Variants in KIF13A observed in about 807,000 individuals in gnomAD.
The protein encoded by KIF13A is kinesin family member 13A.
KIF13A carries 79 observed loss-of-function variants against 212.2 expected under a neutral mutation model. That is an observed-to-expected ratio of 0.37 (90% CI 0.31 to 0.45). The LOEUF (loss-of-function observed/expected upper bound fraction) is 0.45, where lower values mean the gene tolerates loss of function less well. Among genes scored for constraint, KIF13A ranks in the 20% least tolerant of loss-of-function variants. The pLI, the probability that KIF13A is intolerant of heterozygous loss-of-function variation, is 1.00. For missense variants in KIF13A, 1,901 were observed against 2,209.0 expected (o/e 0.86, Z 2.79); for synonymous variants, 789 against 808.6 (o/e 0.98, Z 0.41).
chr6:17,968,284 G>A lies in KIF13A; in HGVS notation c.146+18770C>T, dbSNP rs530618350. On this transcript the variant is annotated intron_variant, in intron 2 of 38. Coordinates refer to ENST00000259711, the MANE Select transcript of KIF13A (RefSeq NM_022113.6). This position sits in a 1 kb window ranked among gnomAD's most constrained non-coding sequence, Gnocchi z 4.7. ...TCACAGGGCTGTCCCAGATTCACAG[G>A]CAATGGACTCCAGGTGGAGCTGGAG... Among the ~76,000 whole-genome samples, 1 of 152,302 alleles carries A rather than the reference G, an allele frequency of 6.6e-6. No homozygotes were observed. The highest frequency in any genetic ancestry group is 2.1e-4 in the South Asian group (1 of 4,828).
rs1313098182 is a variant in KIF13A at position 17,772,041 on chromosome 6, G to A, written c.4343C>T (p.Pro1448Leu). The A allele has an allele frequency of 6.2e-7, 1 of 1,613,804 alleles. No homozygotes were observed. Among genetic ancestry groups the A allele is most frequent in the African/African-American group, 1.3e-5 (1 of 74,920 alleles). Residue 1448 changes from proline (P) to leucine (L), a missense_variant, in exon 37 of 39, where the codon CCT becomes CTT. Pro to Leu is a moderately conservative substitution (Grantham distance 98). Transcript: ENST00000259711. The surrounding 1 kb of genome is among the most constrained non-coding windows in gnomAD (Gnocchi z 4.8). The part of the protein sequence containing the change: ...RNKEGCTSET[P>L]HALTVSPFKA... ...AAAAGGGCTGACGGTTAAGGCATGA[G>A]GAGTCTCTGATGTACAACCTAGGGA...
At chr6:17,858,509 T>G (rs550825987) in intron 4 of KIF13A, among the ~76,000 whole-genome samples, 2 of 152,324 alleles carry the variant, frequency 1.3e-5, no homozygotes, top group East Asian at 3.9e-4. Context: ...GCATGATCTT[T>G]CATACACATT....
chr6:17,868,999 A>C (rs1280104265), intron 4 of KIF13A, among the ~76,000 whole-genome samples: 5 of 144,934 alleles, frequency 3.4e-5, no homozygotes, highest in African/African-American at 1.3e-4. Flanking sequence ...CAAAAAAAAA[A>C]AAAAAAAAAA....
In KIF13A at chr6:17,951,147, C is replaced by T. The variant is rs577943055; in HGVS notation, c.146+35907G>A. ...GTGGGGTCTGATGCAATTCACCTCA[C>T]GCCACTTTAATTTTTTATTTTTTTG... is the stretch of plus-strand genomic sequence containing the variant. On this transcript the variant is annotated intron_variant, in intron 2 of 38. Coordinates refer to ENST00000259711, the MANE Select transcript of KIF13A (RefSeq NM_022113.6). This position sits in a 1 kb window ranked among gnomAD's most constrained non-coding sequence, Gnocchi z 4.9. 1.3e-4 allele frequency: 157 copies of T among 1,220,178 alleles called. No individual in the cohort carries two copies. The South Asian group carries it at 4.1e-3, about 32-fold the overall frequency. 75.6% of individuals were successfully genotyped at this position (1,220,178 alleles called of 1,614,324 possible).
At chr6:17,874,999 G>GCACACACACACACACACACACA (rs1554188630) in intron 3 of KIF13A, among the ~76,000 whole-genome samples, 2 of 120,266 alleles carry the variant, frequency 1.7e-5, no homozygotes, top group African/African-American at 3.1e-5. Flanking sequence ...ACACGCACAC[G>GCACACACACACACACACACACA]CACGCACACA....
At chr6:17,974,966 T>C (rs1780177022) in intron 2 of KIF13A, among the ~76,000 whole-genome samples, 1 of 152,232 alleles carries the variant, frequency 6.6e-6, no homozygotes, top group African/African-American at 2.4e-5. Context: ...CAGGAAGTTC[T>C]ATTGGACAGT....
Position 17,982,536 on chromosome 6 carries a change from T to C in KIF13A, c.146+4518A>G. ...CCCTCACACGATTTGCAAGGTGTAT[T>C]GTTCATCCTGCCATATGGAAAAAAT... On this transcript the variant is annotated intron_variant, in intron 2 of 38. Transcript: ENST00000259711. This position sits in a 1 kb window ranked among gnomAD's most constrained non-coding sequence, Gnocchi z 5.1. The C allele has an allele frequency of 1.9e-6, 1 of 538,580 alleles. No homozygotes were observed. The highest frequency in any genetic ancestry group is 2.4e-6 in the Non-Finnish European group (1 of 422,260). The allele number at this position is 538,580 out of a possible 1,614,324, so 33.4% of individuals were successfully genotyped here.
intron 31 of KIF13A, 58 bp from the exon 32 acceptor site, chr6:17,779,742 A>ATTTT: frequency 2.2e-5 from 10 of 461,362 alleles, no homozygotes; most frequent in South Asian, 7.8e-5. Flanking sequence ...GTTATTTTGT[A>ATTTT]TTTTTTTTTT....
Position 17,886,132 on chromosome 6 carries a change from T to C in KIF13A, c.159+12036A>G, listed in dbSNP as rs1350062453. Among the ~76,000 whole-genome samples, 1 of 152,198 alleles carries C rather than the reference T, an allele frequency of 6.6e-6. No homozygotes were observed. The highest frequency in any genetic ancestry group is 1.5e-5 in the Non-Finnish European group (1 of 68,028). On this transcript the variant is annotated intron_variant, in intron 3 of 38. Transcript: ENST00000259711. The surrounding 1 kb of genome is among the most constrained non-coding windows in gnomAD (Gnocchi z 5.6). ...TCTGATAAATGATTATTGTTACTCA[T>C]AAAAATGAGAAGAAAAATAAAACCT...
intron 2 of KIF13A, among the ~76,000 whole-genome samples, chr6:17,911,980 T>C (rs1774111853): frequency 6.6e-6 from 1 of 152,078 alleles, no homozygotes; most frequent in Admixed American, 6.6e-5. Context: ...GCGCAGGTGG[T>C]CTTGAACTCC....
Position 17,769,521 on chromosome 6 carries a change from T to C in KIF13A, c.4581+1593A>G, listed in dbSNP as rs908994299. Among the ~76,000 whole-genome samples the C allele has an allele frequency of 9.2e-5, 14 of 152,094 alleles. No homozygotes were observed. Among genetic ancestry groups the C allele is most frequent in the African/African-American group, 3.1e-4 (13 of 41,420 alleles). Reference sequence around the variant, plus strand: ...TCTCTGCTAGCTGAAAGCCCCGAGATGGGTTTTATTTTAAAATATTAAAGA... The same window carrying C: ...TCTCTGCTAGCTGAAAGCCCCGAGACGGGTTTTATTTTAAAATATTAAAGA... On this transcript the variant is annotated intron_variant, in intron 38 of 38. Transcript: ENST00000259711. The surrounding 1 kb of genome is among the most constrained non-coding windows in gnomAD (Gnocchi z 5.8).
chr6:17,907,097 T>C (rs1041403564), intron 2 of KIF13A, among the ~76,000 whole-genome samples: 1 of 152,180 alleles, frequency 6.6e-6, no homozygotes, highest in Non-Finnish European at 1.5e-5. Context: ...ACTTACTGAG[T>C]TCTAATTATG....
intron 31 of KIF13A, among the ~76,000 whole-genome samples, 189 bp from the exon 32 acceptor site, chr6:17,779,873 T>A (rs1760389236): frequency 6.6e-6 from 1 of 151,722 alleles, no homozygotes; most frequent in Non-Finnish European, 1.5e-5. Context: ...CCCGAGTAGC[T>A]GGGACTACAG....
rs73371125 is a variant in KIF13A, at chr6:17,794,632, A to G, written c.3015T>C (p.Ala1005=). 4,708 of 1,613,610 alleles carry G rather than the reference A, an allele frequency of 2.9e-3. 109 individuals are homozygous for G. In the African/African-American group the frequency reaches 0.055, roughly 19 times the overall value. Residue 1005 remains alanine (A), a synonymous_variant, in exon 24 of 39, where the codon GCT becomes GCC. Transcript: ENST00000259711. The surrounding 1 kb of genome is among the most constrained non-coding windows in gnomAD (Gnocchi z 4.1). The part of the protein sequence containing the change: ...ILELNELGEY[A]AVELHQAKDV... ...CTTTTGCCTGATGAAGTTCCACTGC[A>G]GCATACTCTCCTAACTCATTCAATT...
At chr6:17,932,411 A>G (rs952468836) in intron 2 of KIF13A, among the ~76,000 whole-genome samples, 34 of 152,220 alleles carry the variant, frequency 2.2e-4, no homozygotes, top group Non-Finnish European at 4.3e-4. Context: ...TAAACAAGTC[A>G]TTTAGTAACG....
chr6:17,779,640 T>C lies in KIF13A; in HGVS notation c.3891A>G (p.Ile1297Met), dbSNP rs1233703663. 2 of 1,524,388 alleles carry C rather than the reference T, an allele frequency of 1.3e-6. No individual in the cohort carries two copies. The highest frequency in any genetic ancestry group is 1.8e-6 in the Non-Finnish European group (2 of 1,106,124). The allele number at this position is 1,524,388 out of a possible 1,614,324, so 94.4% of individuals were successfully genotyped here. ...CATAGGTTACACCACAGGAATAAAA[T>C]ATATTTTTCAGGGATATTCTCCTCT... Reference protein sequence around the residue: ...SLKRRISLKNIFYSCGVTYEI... With the variant: ...SLKRRISLKNMFYSCGVTYEI... The change falls in exon 32 of 39, where the codon ATA becomes ATG. Residue 1297 changes from isoleucine to methionine, a missense_variant. Physicochemically the swap from Ile to Met is conservative, Grantham distance 10. Transcript: ENST00000259711.
rs1777803264 is a variant in KIF13A at position 17,951,082 on chromosome 6, AT to A, written c.146+35971del. 9.1e-7 allele frequency: 1 copy of A among 1,097,226 alleles called. No homozygotes were observed. The highest frequency in any genetic ancestry group is 1.1e-6 in the Non-Finnish European group (1 of 904,288). The allele number at this position is 1,097,226 out of a possible 1,614,324, so 68.0% of individuals were successfully genotyped here. On this transcript the variant is annotated intron_variant, in intron 2 of 38. Transcript: ENST00000259711. The surrounding 1 kb of genome is among the most constrained non-coding windows in gnomAD (Gnocchi z 4.9). ...TAAGGACACCTAAGGAATTGTACTT[AT>A]TATATATAACACTTTGCCAACCATC...
intron 2 of KIF13A, among the ~76,000 whole-genome samples, chr6:17,946,036 G>A (rs1309252951): frequency 6.6e-6 from 1 of 152,186 alleles, no homozygotes; most frequent in Non-Finnish European, 1.5e-5. Flanking sequence ...AATGTGAATT[G>A]TAAAGCTTAA....
intron 3 of KIF13A, among the ~76,000 whole-genome samples, chr6:17,889,111 G>C (rs931939914): frequency 1.4e-4 from 22 of 152,174 alleles, no homozygotes; most frequent in African/African-American, 5.1e-4. Flanking sequence ...AATGAAGGCA[G>C]TCACAGATTG....
Sources: allele counts gnomAD v4.1 joint callset (sites outside exome capture counted in the v4.1 genomes callset), GRCh38; gene constraint gnomAD v4.1.1; non-coding constraint Gnocchi (gnomAD v3.1); transcripts MANE v1.5; gene names NCBI Gene and HGNC (gene_info 2026-07-23, HGNC 2026-07-21).